SPECC1: variants seen among roughly 807,000 people sequenced by gnomAD.
SPECC1 encodes cytospin-B.
SPECC1 carries 62 observed loss-of-function variants against 104.1 expected under a neutral mutation model. That is an observed-to-expected ratio of 0.60 (90% confidence interval 0.49 to 0.74). The LOEUF (loss-of-function observed/expected upper bound fraction) is 0.74. Among genes scored for constraint, SPECC1 ranks in the 30% least tolerant of loss-of-function variants. SPECC1 has a pLI of 0.00. For synonymous variants in SPECC1, 513 were observed against 501.6 expected (o/e 1.02, Z -0.30); for missense variants, 1,306 against 1,310.5 (o/e 1.00, Z 0.05).
intron 13 of SPECC1, among the ~76,000 whole-genome samples, chr17:20,301,437 C>T (rs1386355141): frequency 1.3e-5 from 2 of 150,764 alleles, no homozygotes; most frequent in South Asian, 4.2e-4. Context: ...TTTACACTTA[C>T]ATCAGAAAGG....
chr17:20,156,233 C>G (rs767504341), intron 3 of SPECC1: 15 of 1,393,070 alleles, frequency 1.1e-5, no homozygotes, highest in Non-Finnish European at 1.4e-5. Context: ...GGATCCGGAA[C>G]CAGGTCTGTG....
In SPECC1 at chr17:20,224,122, TAGATA is replaced by T. The variant is rs144028722; in HGVS notation, c.1864-3286_1864-3282del. ...CATTGAGGTATCACCTTGGTGATCC[TAGATA>T]AGATCTAGGAGAATTTCCCGGTTTA... On this transcript the variant is annotated intron_variant, in intron 4 of 14. Coordinates refer to ENST00000395527, the MANE Select transcript of SPECC1 (RefSeq NM_001243439.2). Among the ~76,000 whole-genome samples the T allele has an allele frequency of 4.7e-4, 72 of 152,340 alleles. No individual in the cohort carries two copies. In the East Asian group the frequency reaches 0.013, roughly 28 times the overall value.
rs148327865 is a variant in SPECC1 at position 20,174,588 on chromosome 17, A to G, written c.284-29745A>G. On this transcript the variant is annotated intron_variant, in intron 3 of 14. Coordinates refer to ENST00000395527, the MANE Select transcript of SPECC1 (RefSeq NM_001243439.2). ...CTTCACCGTGTCCCAAATGGAGACCAGGTGGTCACATCAGTCTCTCCCCCC... is the reference window on the plus strand; with the variant it reads ...CTTCACCGTGTCCCAAATGGAGACCGGGTGGTCACATCAGTCTCTCCCCCC... Among the ~76,000 whole-genome samples, 1,034 of 142,480 alleles carry G rather than the reference A, an allele frequency of 7.3e-3. 11 individuals carry two copies. Among genetic ancestry groups the G allele is most frequent in the African/African-American group, 0.025 (985 of 40,004 alleles). 93.5% of individuals were successfully genotyped at this position (142,480 alleles called of 152,430 possible). A position where few individuals can be genotyped will look rare whatever the true frequency, so the allele number is the denominator to read the frequency against.
intron 2 of SPECC1, among the ~76,000 whole-genome samples, chr17:20,108,500 C>T (rs559750150): frequency 1.1e-4 from 16 of 152,208 alleles, no homozygotes; most frequent in Non-Finnish European, 2.2e-4. Flanking sequence ...TGTAACTCCC[C>T]GAGAGGTAAC....
chr17:20,105,568 T>TG (rs1206536433), intron 2 of SPECC1, among the ~76,000 whole-genome samples: 1 of 152,156 alleles, frequency 6.6e-6, no homozygotes, highest in African/African-American at 2.4e-5. Context: ...AACCCTGCGA[T>TG]GCAGCACTTA....
At chr17:20,187,586 G>A (rs560425402) in intron 3 of SPECC1, among the ~76,000 whole-genome samples, 1 of 152,316 alleles carries the variant, frequency 6.6e-6, no homozygotes, top group South Asian at 2.1e-4. Context: ...GACCCTGAGA[G>A]AACATCTTTC....
intron 7 of SPECC1, among the ~76,000 whole-genome samples, chr17:20,239,888 T>G (rs1400963571): frequency 8.0e-5 from 10 of 125,472 alleles, no homozygotes; most frequent in African/African-American, 2.4e-4. Flanking sequence ...GTTTTTTTTT[T>G]TTTTTTTTTT....
intron 2 of SPECC1, among the ~76,000 whole-genome samples, chr17:20,104,359 C>T (rs1597708321): frequency 1.3e-5 from 2 of 152,094 alleles, no homozygotes; most frequent in South Asian, 4.1e-4. Context: ...TGCAGTGACA[C>T]TGATCAATAA....
At chr17:20,021,149 T>C (rs776610614) in intron 1 of SPECC1, among the ~76,000 whole-genome samples, 140 of 151,928 alleles carry the variant, frequency 9.2e-4, no homozygotes, top group Non-Finnish European at 1.4e-3. Context: ...GTCATCTTCA[T>C]GTTGAGTAGG....
intron 12 of SPECC1, 136 bp downstream of exon 12, chr17:20,260,430 C>T (rs989979136): frequency 2.8e-5 from 20 of 707,430 alleles, no homozygotes; most frequent in African/African-American, 5.4e-5. Flanking sequence ...CTAGGCAGGG[C>T]TGCCAGGGAA....
chr17:20,182,841 G>T (rs560626108), intron 3 of SPECC1, among the ~76,000 whole-genome samples: 1 of 152,124 alleles, frequency 6.6e-6, no homozygotes, highest in South Asian at 2.1e-4. Context: ...TGCTTCATCC[G>T]CTTGGCCAGA....
rs949127162 is a variant in SPECC1, at chr17:20,314,490, C to T, written c.*425C>T. 1.3e-5 allele frequency: 4 copies of T among 306,748 alleles called. No individual in the cohort carries two copies. In the Admixed American group the frequency reaches 1.7e-4, roughly 13 times the overall value. The allele number at this position is 306,748 out of a possible 1,614,324, so 19.0% of individuals were successfully genotyped here. ...GCTTTGCCTTTATGAAACCTTTGCC[C>T]TTGGCTGGGTGTGGTAGCTCGTGGC... On this transcript the variant is annotated 3_prime_UTR_variant, in exon 15 of 15. Transcript: ENST00000395527.
Position 20,171,764 on chromosome 17 carries a change from GGTC to G in SPECC1, c.284-32568_284-32566del, listed in dbSNP as rs2034112029. 3.9e-5 allele frequency among the ~76,000 whole-genome samples: 6 copies of G among 152,164 alleles called. No homozygotes were observed. In the South Asian group the frequency reaches 1.2e-3, roughly 32 times the overall value. On this transcript the variant is annotated intron_variant, in intron 3 of 14. Transcript: ENST00000395527. ...AGGGTCTTGCTGTATTGCTCAGGCT[GGTC>G]TCATCCCTATTAATGTGAATTCTGG... is the stretch of plus-strand genomic sequence containing the variant.
chr17:20,018,423 CTCTG>C (rs1297287072), intron 1 of SPECC1, among the ~76,000 whole-genome samples: 14 of 152,220 alleles, frequency 9.2e-5, no homozygotes, highest in Admixed American at 9.2e-4. Flanking sequence ...CAGGGTCTTG[CTCTG>C]TCTCCCAGGT....
At chr17:20,100,691 A>G (rs2047905459) in intron 2 of SPECC1, among the ~76,000 whole-genome samples, 2 of 152,166 alleles carry the variant, frequency 1.3e-5, no homozygotes, top group Admixed American at 6.5e-5. Context: ...ATACATGTGC[A>G]GAACATGCAG....
intron 7 of SPECC1, chr17:20,239,292 A>C (rs1309044495): frequency 2.3e-5 from 23 of 1,012,546 alleles, no homozygotes; most frequent in Non-Finnish European, 2.2e-5. Context: ...TGTGAAGAAA[A>C]ATATTAATCT....
At chr17:20,239,287 A>G (rs2039083660) in intron 7 of SPECC1, 1 of 1,013,764 alleles carries the variant, frequency 9.9e-7, no homozygotes, top group South Asian at 4.7e-5. Context: ...AGACGTGTGA[A>G]GAAAAATATT....
chr17:20,189,129 T>C (rs1237677847), intron 3 of SPECC1, among the ~76,000 whole-genome samples: 1 of 152,164 alleles, frequency 6.6e-6, no homozygotes, highest in East Asian at 1.9e-4. Flanking sequence ...CCATCTGTCC[T>C]GAAAGTAAGG....
chr17:20,089,616 A>C (rs568845171), intron 1 of SPECC1, among the ~76,000 whole-genome samples: 1 of 152,260 alleles, frequency 6.6e-6, no homozygotes, highest in East Asian at 1.9e-4. Context: ...ATGGAGTAAG[A>C]CCCCATCTCT....
Sources: allele counts gnomAD v4.1 joint callset (sites outside exome capture counted in the v4.1 genomes callset), GRCh38; gene constraint gnomAD v4.1.1; transcripts MANE v1.5; gene names NCBI Gene and HGNC (gene_info 2026-07-23, HGNC 2026-07-21).